The following SNX27 variants were observed in gnomAD, a reference collection of about 807,000 sequenced individuals.
SNX27 encodes sorting nexin 27.
In SNX27, 22 loss-of-function variants were observed where a neutral mutation model predicts 71.6. The ratio of observed to expected loss-of-function variants is 0.31; its 90% CI spans 0.22 to 0.44. SNX27 has a LOEUF of 0.44. Ranked by LOEUF, SNX27 falls within the 20% of genes least tolerant of loss-of-function variation. SNX27 has a pLI of 1.00. For synonymous variants in SNX27, 269 were observed against 277.2 expected, an observed-to-expected ratio of 0.97 and a Z score of 0.29; for missense variants, 531 against 698.6, an observed-to-expected ratio of 0.76 and a Z score of 2.70.
At chr1:151,641,619 A>ATG (rs1668734398) in intron 2 of SNX27, among the ~76,000 whole-genome samples, 1 of 133,084 alleles carries the variant, frequency 7.5e-6, no homozygotes, top group African/African-American at 3.0e-5. Context: ...ATATATATAT[A>ATG]TATATATATA....
intron 8 of SNX27, among the ~76,000 whole-genome samples, 172 bp downstream of exon 8, chr1:151,683,617 A>G (rs1050421838): frequency 3.9e-4 from 60 of 151,936 alleles, no homozygotes; most frequent in African/African-American, 1.4e-3. Context: ...CATTTAACAC[A>G]CAAAGATCTT....
intron 1 of SNX27, among the ~76,000 whole-genome samples, chr1:151,629,795 C>G (rs1183555196): frequency 3.3e-5 from 5 of 151,508 alleles, no homozygotes; most frequent in Non-Finnish European, 7.4e-5. Context: ...GCCAGGCTGG[C>G]CTTAAACTCC....
intron 7 of SNX27, among the ~76,000 whole-genome samples, chr1:151,674,627 G>A (rs1292058097): frequency 2.0e-5 from 3 of 151,440 alleles, no homozygotes; most frequent in Non-Finnish European, 4.4e-5. Flanking sequence ...TCTTCTACTG[G>A]CATTGAAGAG....
chr1:151,694,170 A>G (rs1338831563), intron 11 of SNX27, 200 bp from the exon 12 acceptor site: 1 of 1,334,044 alleles, frequency 7.5e-7, no homozygotes, highest in African/African-American at 1.5e-5. Flanking sequence ...GTGAAACAGG[A>G]AGACTGAACC....
At position 151,683,581 on chromosome 1, in the gene SNX27, TTGATGCAAAGTCCATTGTGTTTCTCCA is replaced by T. The variant is rs1671064001; in HGVS notation, c.1239+138_1239+164del. The T allele has an allele frequency of 8.6e-6, 5 of 582,646 alleles. No homozygotes were observed. The South Asian group carries it at 1.2e-4, about 14-fold the overall frequency. 36.1% of individuals were successfully genotyped at this position (582,646 alleles called of 1,614,324 possible). ...TTAAAAAAGGAGGGGAATAGGGACC[TTGATGCAAAGTCCATTGTGTTTCTCCA>T]TTTAACACACAAAGATCTTGAATTA... On this transcript the variant is annotated intron_variant, in intron 8 of 11. Coordinates refer to ENST00000458013, the MANE Select transcript of SNX27 (RefSeq NM_001330723.2).
In SNX27 at chr1:151,664,261, G is replaced by T. The variant is rs979803936; in HGVS notation, c.907-1672G>T. Among the ~76,000 whole-genome samples the T allele has an allele frequency of 3.4e-5, 5 of 148,366 alleles. No homozygotes were observed. In the Admixed American group the frequency reaches 3.4e-4, roughly 10 times the overall value. ...AGTATATATTATATATAATAATTTA[G>T]TCTCAGGTTTTTAGATTCAGTGTGA... On this transcript the variant is annotated intron_variant, in intron 5 of 11. Coordinates refer to ENST00000458013, the MANE Select transcript of SNX27 (RefSeq NM_001330723.2).
intron 5 of SNX27, 33 bp downstream of exon 5, chr1:151,662,303 G>C: frequency 2.1e-6 from 3 of 1,428,840 alleles, no homozygotes; most frequent in Non-Finnish European, 3.0e-6. Context: ...CTTGACATTG[G>C]ATGGTGTGAA....
chr1:151,652,927 CTTT>C (rs34826631), intron 2 of SNX27, among the ~76,000 whole-genome samples: 31 of 109,426 alleles, frequency 2.8e-4, no homozygotes, highest in Non-Finnish European at 2.6e-4. Context: ...TGTTGGGTTT[CTTT>C]TTTTTTTTTT....
chr1:151,692,432 T>TTTTTTTTAAAAAAAAA lies in SNX27; in HGVS notation c.1240-3_1240-2insTTTTTTTAAAAAAAAA. 6.9e-7 allele frequency: 1 copy of TTTTTTTTAAAAAAAAA among 1,452,072 alleles called. No individual in the cohort carries two copies. Among genetic ancestry groups the TTTTTTTTAAAAAAAAA allele is most frequent in the Non-Finnish European group, 9.1e-7 (1 of 1,101,932 alleles). The allele number at this position is 1,452,072 out of a possible 1,614,324, so 89.9% of individuals were successfully genotyped here. The stretch of plus-strand genomic sequence containing the variant: ...TTTTTTTTTTTTTTTTTTTTTTTTT[T>TTTTTTTTAAAAAAAAA]AGTACCTCAACATGCTAAGGACTTG... On this transcript the variant is annotated splice_polypyrimidine_tract_variant and splice_region_variant and intron_variant, in intron 8 of 11. Transcript: ENST00000458013.
In SNX27 at chr1:151,668,532, C is replaced by A. The variant is rs771457853; in HGVS notation, c.1046C>A (p.Ala349Asp). The A allele has an allele frequency of 5.2e-5, 84 of 1,613,928 alleles. No homozygotes were observed. Among genetic ancestry groups the A allele is most frequent in the Non-Finnish European group, 7.0e-5 (83 of 1,179,950 alleles). The part of the protein sequence containing the change: ...HKLYIQNYTS[A>D]VPGTCLTIRK... ...CTCTACATTCAGAATTATACATCAG[C>A]TGTGCCAGGCACCTGCTTGACCATT... Residue 349 changes from alanine to aspartate, a missense_variant, in exon 7 of 12, where the codon GCT becomes GAT. Transcript: ENST00000458013.
At chr1:151,633,667 A>G (rs572896036) in intron 1 of SNX27, among the ~76,000 whole-genome samples, 1 of 152,338 alleles carries the variant, frequency 6.6e-6, no homozygotes, top group African/African-American at 2.4e-5. Flanking sequence ...TTCTACCACT[A>G]AAGAATAGTT....
intron 3 of SNX27, chr1:151,660,147 T>A (rs1160117345): frequency 1.3e-5 from 2 of 152,024 alleles, no homozygotes; most frequent in South Asian, 2.1e-4. Flanking sequence ...ACCATTCTCA[T>A]GAGAGTGTCA....
chr1:151,649,118 C>T (rs1295776172), intron 2 of SNX27, among the ~76,000 whole-genome samples: 22 of 151,756 alleles, frequency 1.4e-4, no homozygotes, highest in African/African-American at 3.9e-4. Context: ...CCCGCCACCA[C>T]GCCCAGCTAA....
At chr1:151,645,664 C>T (rs1218050185) in intron 2 of SNX27, among the ~76,000 whole-genome samples, 4 of 152,252 alleles carry the variant, frequency 2.6e-5, no homozygotes, top group Non-Finnish European at 5.9e-5. Flanking sequence ...TCTCCACTCA[C>T]TCTGGTAGCA....
chr1:151,690,989 A>G (rs1466402634), intron 8 of SNX27, among the ~76,000 whole-genome samples: 2 of 152,202 alleles, frequency 1.3e-5, no homozygotes, highest in African/African-American at 4.8e-5. Flanking sequence ...TTATAACCCC[A>G]GAAGAGTTCT....
Position 151,683,382 on chromosome 1 carries a change from C to T in SNX27, c.1176C>T (p.Tyr392=). The change falls in exon 8 of 12, where the codon TAC becomes TAT. Residue 392 remains tyrosine (Y), a synonymous_variant. Coordinates refer to ENST00000458013, the MANE Select transcript of SNX27 (RefSeq NM_001330723.2). ...HQAVDDVKKG[Y]IKAEEKSYQL... ...CAGTCGATGATGTGAAGAAAGGTTACATCAAAGCAGAAGAAAAGTCCTATC... is the reference window on the plus strand; with the variant it reads ...CAGTCGATGATGTGAAGAAAGGTTATATCAAAGCAGAAGAAAAGTCCTATC... 1 of 1,613,448 alleles carries T rather than the reference C, an allele frequency of 6.2e-7. No individual in the cohort carries two copies. Among genetic ancestry groups the T allele is most frequent in the Non-Finnish European group, 8.5e-7 (1 of 1,179,802 alleles).
At chr1:151,665,881 A>G in intron 5 of SNX27, 52 bp from the exon 6 acceptor site, 9 of 1,462,060 alleles carry the variant, frequency 6.2e-6, no homozygotes, top group South Asian at 2.4e-5. Flanking sequence ...TTTTTCCTAC[A>G]GCATTGTCTG....
intron 8 of SNX27, among the ~76,000 whole-genome samples, chr1:151,687,459 G>A (rs1408283580): frequency 1.3e-5 from 2 of 152,260 alleles, no homozygotes; most frequent in South Asian, 2.1e-4. Flanking sequence ...ATTCTGGAAC[G>A]TTAGGTGCTT....
chr1:151,689,794 A>T (rs1170075560), intron 8 of SNX27, among the ~76,000 whole-genome samples: 1 of 152,052 alleles, frequency 6.6e-6, no homozygotes, highest in Non-Finnish European at 1.5e-5. Context: ...TGAGTGCCAG[A>T]GGCCTGGTTG....
Sources: gnomAD v4.1 joint callset for allele counts (sites outside exome capture counted in the v4.1 genomes callset) on GRCh38, gnomAD v4.1.1 for gene constraint, MANE v1.5 for transcripts, NCBI Gene and HGNC (gene_info 2026-07-23, HGNC 2026-07-21) for gene names.